The following SLC38A12 variants were observed in gnomAD, a reference collection of about 807,000 sequenced individuals.
SLC38A12 encodes the protein solute carrier family 38 member 12.
the SLC38A12 span, among the ~76,000 whole-genome samples, chr17:74,783,859 T>C: frequency 2.7e-5 from 4 of 150,644 alleles, no homozygotes; most frequent in Non-Finnish European, 4.4e-5. Context: ...GCCTCCTGAG[T>C]AGCTGGGATT....
chr17:74,815,011 G>A, the SLC38A12 span, among the ~76,000 whole-genome samples: 1 of 152,172 alleles, frequency 6.6e-6, no homozygotes, highest in African/African-American at 2.4e-5. Flanking sequence ...GAAGGTCACA[G>A]GGGAAGATTC....
the SLC38A12 span, among the ~76,000 whole-genome samples, chr17:74,819,010 CT>C: frequency 2.6e-5 from 4 of 152,232 alleles, no homozygotes; most frequent in African/African-American, 9.6e-5. Context: ...ACACTTTCCC[CT>C]GTTCTCCAAA....
chr17:74,819,928 C>T, the SLC38A12 span: 1 of 1,256,648 alleles, frequency 8.0e-7, no homozygotes, highest in African/African-American at 1.5e-5. Flanking sequence ...GCAGGGCCCC[C>T]AGCCGTAGCT....
the SLC38A12 span, among the ~76,000 whole-genome samples, chr17:74,806,596 T>A: frequency 6.6e-6 from 1 of 152,156 alleles, no homozygotes; most frequent in African/African-American, 2.4e-5. Flanking sequence ...CCAAACCCTC[T>A]ATAAGAGCCC....
At chr17:74,794,322 C>T in the SLC38A12 span, among the ~76,000 whole-genome samples, 1 of 152,184 alleles carries the variant, frequency 6.6e-6, no homozygotes, top group African/African-American at 2.4e-5. Flanking sequence ...TGAGAGGGGA[C>T]AAACGTCACC....
the SLC38A12 span, chr17:74,819,882 C>T: frequency 1.5e-5 from 23 of 1,563,890 alleles, no homozygotes; most frequent in Non-Finnish European, 1.9e-5. Flanking sequence ...GCGCTTTCTC[C>T]TCTCGTCCCT....
chr17:74,818,126 C>T, the SLC38A12 span, among the ~76,000 whole-genome samples: 43 of 152,320 alleles, frequency 2.8e-4, no homozygotes, highest in African/African-American at 1.0e-3. Flanking sequence ...AGACCTGCTC[C>T]GCCAGAGTCA....
the SLC38A12 span, chr17:74,795,527 C>T: frequency 3.1e-6 from 5 of 1,613,528 alleles, no homozygotes; most frequent in East Asian, 2.2e-5. Flanking sequence ...TTATCAGCAG[C>T]GCCACTGGCA....
the SLC38A12 span, among the ~76,000 whole-genome samples, chr17:74,806,961 G>T: frequency 6.6e-6 from 1 of 152,176 alleles, no homozygotes; most frequent in African/African-American, 2.4e-5. Context: ...AAGGTTTTCT[G>T]TGTCAACCCT....
chr17:74,789,098 C>T, the SLC38A12 span, among the ~76,000 whole-genome samples: 3 of 152,322 alleles, frequency 2.0e-5, no homozygotes, highest in Non-Finnish European at 2.9e-5. Flanking sequence ...TACCCACACC[C>T]GCACCCAGCT....
the SLC38A12 span, chr17:74,785,806 T>G: frequency 1.7e-6 from 1 of 604,332 alleles, no homozygotes; most frequent in South Asian, 2.0e-5. Flanking sequence ...GTGGAGCGGT[T>G]GCACAGCCCT....
the SLC38A12 span, chr17:74,795,032 T>C: frequency 6.2e-7 from 1 of 1,614,072 alleles, no homozygotes; most frequent in Non-Finnish European, 8.5e-7. Context: ...CTTGTTCTAT[T>C]TCTGCATCAT....
the SLC38A12 span, chr17:74,835,905 A>G: frequency 1.3e-6 from 2 of 1,577,952 alleles, no homozygotes; most frequent in Non-Finnish European, 1.7e-6. Flanking sequence ...CCACCAGGTG[A>G]CTCCTCTCTC....
the SLC38A12 span, among the ~76,000 whole-genome samples, chr17:74,803,370 C>T: frequency 6.6e-6 from 1 of 152,118 alleles, no homozygotes; most frequent in South Asian, 2.1e-4. Flanking sequence ...AGCGATTCCC[C>T]TTCCCCTCTC....
the SLC38A12 span, among the ~76,000 whole-genome samples, chr17:74,831,430 G>A: frequency 6.6e-6 from 1 of 152,314 alleles, no homozygotes; most frequent in African/African-American, 2.4e-5. Context: ...AGACAAATGC[G>A]GTGGCTTTTG....
the SLC38A12 span, among the ~76,000 whole-genome samples, chr17:74,800,752 A>T: frequency 2.6e-5 from 4 of 152,190 alleles, no homozygotes; most frequent in Non-Finnish European, 5.9e-5. Flanking sequence ...AGTAGAACAC[A>T]GTGAACACTG....
chr17:74,790,154 T>G, the SLC38A12 span: 21 of 1,497,666 alleles, frequency 1.4e-5, no homozygotes, highest in Non-Finnish European at 1.9e-5. Context: ...TCCTTTCTTT[T>G]CCCTTGTTTT....
the SLC38A12 span, among the ~76,000 whole-genome samples, chr17:74,817,939 G>C: frequency 6.6e-6 from 1 of 152,150 alleles, no homozygotes; most frequent in East Asian, 1.9e-4. Context: ...GGGCACACCA[G>C]GAGTCCAGTT....
chr17:74,777,012 C>T, the SLC38A12 span, among the ~76,000 whole-genome samples: 3 of 152,164 alleles, frequency 2.0e-5, no homozygotes, highest in Non-Finnish European at 4.4e-5. Context: ...ATCACTTGCA[C>T]CCCGAGCAGC....
Sources: gnomAD v4.1 joint callset for allele counts (sites outside exome capture counted in the v4.1 genomes callset) on GRCh38, gnomAD v4.1.1 for gene constraint, MANE v1.5 for transcripts, NCBI Gene and HGNC (gene_info 2026-07-23, HGNC 2026-07-21) for gene names.